C12orf42: variants seen among roughly 807,000 people sequenced by gnomAD.
C12orf42 encodes the protein chromosome 12 open reading frame 42, also known as uncharacterized protein C12orf42.
C12orf42 carries 25 observed loss-of-function variants against 21.6 expected under a neutral mutation model. The observed-to-expected ratio is 1.16, with a 90% CI of 0.84 to 1.62. C12orf42 has a LOEUF of 1.62. Among genes scored for constraint, C12orf42 ranks in the 40% most tolerant of loss-of-function variants. The pLI is 0.00. For synonymous variants in C12orf42, 174 were observed against 175.0 expected (o/e 0.99, Z 0.05); for missense variants, 483 against 459.3 (o/e 1.05, Z -0.47).
the C12orf42 span, among the ~76,000 whole-genome samples, chr12:103,184,361 A>C: frequency 5.6e-4 from 85 of 152,288 alleles, no homozygotes; most frequent in African/African-American, 1.9e-3. Flanking sequence ...TAATATAGTA[A>C]ATTAGTGATT....
the C12orf42 span, chr12:103,162,598 T>A: frequency 2.0e-5 from 3 of 152,028 alleles, no homozygotes; most frequent in Non-Finnish European, 4.4e-5. Flanking sequence ...AATCAATAAC[T>A]ACTCTGTATT....
chr12:103,225,734 T>C, the C12orf42 span, among the ~76,000 whole-genome samples: 1 of 150,076 alleles, frequency 6.7e-6, no homozygotes, highest in African/African-American at 2.5e-5. Flanking sequence ...AGTTGGGGAG[T>C]TTTAAGAGGT....
the C12orf42 span, among the ~76,000 whole-genome samples, chr12:103,116,337 C>G: frequency 6.7e-6 from 1 of 148,486 alleles, no homozygotes; most frequent in African/African-American, 2.5e-5. Context: ...GCACTCCAGC[C>G]TGGGCAACAA....
At chr12:103,189,076 C>T in the C12orf42 span, among the ~76,000 whole-genome samples, 2 of 149,280 alleles carry the variant, frequency 1.3e-5, no homozygotes, top group Non-Finnish European at 3.0e-5. Context: ...ATGTGACTTA[C>T]AAAAGAAACG....
chr12:103,179,948 A>G, the C12orf42 span, among the ~76,000 whole-genome samples: 2 of 152,116 alleles, frequency 1.3e-5, no homozygotes, highest in African/African-American at 4.8e-5. Flanking sequence ...TGACCAAGAG[A>G]GGGCCTCCAG....
the C12orf42 span, among the ~76,000 whole-genome samples, chr12:103,051,399 CA>C: frequency 6.6e-6 from 1 of 152,040 alleles, no homozygotes; most frequent in African/African-American, 2.4e-5. Context: ...CTGTTTAGCC[CA>C]GAGCACGAGG....
chr12:103,359,512 G>A (rs963281839), intron 4 of C12orf42, among the ~76,000 whole-genome samples: 2 of 151,786 alleles, frequency 1.3e-5, no homozygotes, highest in Non-Finnish European at 1.5e-5. Flanking sequence ...ATATATACAA[G>A]GATGCATTAC....
At chr12:103,093,953 G>A in the C12orf42 span, among the ~76,000 whole-genome samples, 1 of 152,112 alleles carries the variant, frequency 6.6e-6, no homozygotes, top group Non-Finnish European at 1.5e-5. Flanking sequence ...TTGGAGAATG[G>A]ACTCTGGTCT....
chr12:103,058,458 T>A, the C12orf42 span, among the ~76,000 whole-genome samples: 10 of 152,194 alleles, frequency 6.6e-5, no homozygotes, highest in Non-Finnish European at 5.9e-5. Flanking sequence ...TATTCAGGAC[T>A]TGAACTCAGC....
chr12:103,504,573 A>G, the C12orf42 span: 1 of 152,778 alleles, frequency 6.5e-6, no homozygotes, highest in East Asian at 1.9e-4. Context: ...AGTACACCCC[A>G]CACAGGATCC....
At chr12:103,177,383 T>C in the C12orf42 span, among the ~76,000 whole-genome samples, 1 of 152,212 alleles carries the variant, frequency 6.6e-6, no homozygotes, top group Non-Finnish European at 1.5e-5. Context: ...CCTAAGTATC[T>C]ACCTAGAGCT....
intron 4 of C12orf42, among the ~76,000 whole-genome samples, chr12:103,363,856 T>A (rs1052224817): frequency 6.6e-6 from 1 of 152,020 alleles, no homozygotes; most frequent in Non-Finnish European, 1.5e-5. Context: ...CAGTTACTAT[T>A]AGATCTAAGA....
the C12orf42 span, among the ~76,000 whole-genome samples, chr12:103,096,849 T>A: frequency 6.6e-6 from 1 of 152,178 alleles, no homozygotes; most frequent in South Asian, 2.1e-4. Context: ...GTCACACAGC[T>A]GGTAAAGGAA....
At chr12:103,374,338 G>A (rs2045513819) in intron 3 of C12orf42, among the ~76,000 whole-genome samples, 1 of 152,142 alleles carries the variant, frequency 6.6e-6, no homozygotes, top group Non-Finnish European at 1.5e-5. Context: ...GCTTGGATTG[G>A]AGTTCAGAAC....
chr12:103,429,102 T>C (rs965435575), intron 2 of C12orf42, among the ~76,000 whole-genome samples: 1 of 152,198 alleles, frequency 6.6e-6, no homozygotes, highest in African/African-American at 2.4e-5. Flanking sequence ...CAACACAGCA[T>C]TGGAAGTTCT....
intron 10 of C12orf42, among the ~76,000 whole-genome samples, chr12:103,238,267 C>A (rs1389272446): frequency 6.6e-6 from 1 of 152,010 alleles, no homozygotes; most frequent in African/African-American, 2.4e-5. Flanking sequence ...TGCTTTCACA[C>A]TGCAACAGTA....
chr12:103,390,548 T>C lies in C12orf42; in HGVS notation c.147+11059A>G, dbSNP rs149061306. Among the ~76,000 whole-genome samples, 934 of 152,208 alleles carry C rather than the reference T, an allele frequency of 6.1e-3. 36 individuals carry two copies. Among genetic ancestry groups the C allele is most frequent in the Non-Finnish European group, 2.1e-3 (142 of 68,004 alleles). On this transcript the variant is annotated intron_variant, in intron 3 of 5. Coordinates refer to ENST00000548883, the MANE Select transcript of C12orf42 (RefSeq NM_198521.5). ...CAAATACTACATGTGGTAATCAGGG[T>C]TCTCCAGAGAAACAGAACCGATAGG...
chr12:103,325,586 C>G (rs2040602041), intron 4 of C12orf42, among the ~76,000 whole-genome samples: 1 of 152,202 alleles, frequency 6.6e-6, no homozygotes, highest in Non-Finnish European at 1.5e-5. Flanking sequence ...CTGAAGCTGC[C>G]TTGGGACAAA....
chr12:103,233,926 T>C (rs1011705224), downstream of C12orf42, among the ~76,000 whole-genome samples: 1 of 152,206 alleles, frequency 6.6e-6, no homozygotes, highest in Non-Finnish European at 1.5e-5. Context: ...GTATTAGCTA[T>C]AGGTTAAATT....
Sources: gnomAD v4.1 joint callset for allele counts (sites outside exome capture counted in the v4.1 genomes callset) on GRCh38, gnomAD v4.1.1 for gene constraint, MANE v1.5 for transcripts, NCBI Gene and HGNC (gene_info 2026-07-23, HGNC 2026-07-21) for gene names.